Variants in ANO2 observed in about 807,000 individuals in gnomAD.
ANO2 encodes anoctamin-2.
In ANO2, 101 loss-of-function variants were observed where a neutral mutation model predicts 124.2. The observed-to-expected ratio is 0.81, with a 90% CI of 0.69 to 0.96. The LOEUF is 0.96. ANO2 is among the 40% of genes least tolerant of loss of function. The probability of loss-of-function intolerance (pLI) is 0.00; values close to 1 mark genes in which losing one functional copy is unlikely to be tolerated. For missense variants in ANO2, 1,293 were observed against 1,274.5 expected (o/e 1.01, Z -0.22); for synonymous variants, 486 against 482.5 (o/e 1.01, Z -0.09).
intron 2 of ANO2, 37 bp downstream of exon 2, chr12:5,922,583 G>C: frequency 6.6e-7 from 1 of 1,506,838 alleles, no homozygotes; most frequent in Non-Finnish European, 8.8e-7. Context: ...CAACAGGGCT[G>C]GCCTATCCCC....
intron 16 of ANO2, among the ~76,000 whole-genome samples, chr12:5,630,521 T>C (rs1287188893): frequency 6.6e-6 from 1 of 152,194 alleles, no homozygotes; most frequent in Non-Finnish European, 1.5e-5. Flanking sequence ...TTGGCCTTAT[T>C]CATCTCAATA....
At chr12:5,592,041 A>T (rs950230245) in intron 20 of ANO2, among the ~76,000 whole-genome samples, 11 of 152,210 alleles carry the variant, frequency 7.2e-5, no homozygotes, top group Non-Finnish European at 1.0e-4. Flanking sequence ...AGAAACTCTG[A>T]TAATAAACAT....
intron 14 of ANO2, among the ~76,000 whole-genome samples, chr12:5,666,546 C>T (rs1384414886): frequency 1.3e-5 from 2 of 152,114 alleles, no homozygotes; most frequent in Non-Finnish European, 2.9e-5. Flanking sequence ...TGTGACGTTT[C>T]ATGACCCAGA....
intron 14 of ANO2, among the ~76,000 whole-genome samples, chr12:5,712,388 G>A (rs1949850175): frequency 6.6e-6 from 1 of 152,142 alleles, no homozygotes; most frequent in African/African-American, 2.4e-5. Flanking sequence ...CAGTGTCCTT[G>A]TAAGTGACAG....
At position 5,830,504 on chromosome 12, in the gene ANO2, A is replaced by G. The variant is rs913743037; in HGVS notation, c.786-15T>C. 1.9e-6 allele frequency: 3 copies of G among 1,608,446 alleles called. No homozygotes were observed. Among genetic ancestry groups the G allele is most frequent in the Non-Finnish European group, 2.5e-6 (3 of 1,177,364 alleles). On this transcript the variant is annotated splice_polypyrimidine_tract_variant and intron_variant, in intron 5 of 24. Transcript: ENST00000682330. The stretch of plus-strand genomic sequence containing the variant: ...GGATGTTGTACCTGGAGACACCAAG[A>G]GAGCAGATGGCAAATTCATTTCATT...
At chr12:5,570,903 A>AATGAGT (rs1315677225) in intron 23 of ANO2, among the ~76,000 whole-genome samples, 2 of 152,156 alleles carry the variant, frequency 1.3e-5, no homozygotes, top group Non-Finnish European at 2.9e-5. Context: ...ATTAGGAACT[A>AATGAGT]ATGAGTAGCA....
At chr12:5,733,485 A>C (rs1325902113) in intron 13 of ANO2, among the ~76,000 whole-genome samples, 1 of 152,198 alleles carries the variant, frequency 6.6e-6, no homozygotes, top group Non-Finnish European at 1.5e-5. Flanking sequence ...TGAGGACTTC[A>C]TGTTCCTGCA....
chr12:5,852,104 G>C, intron 4 of ANO2: 1 of 652,002 alleles, frequency 1.5e-6, no homozygotes, highest in Non-Finnish European at 2.8e-6. Flanking sequence ...AGAAAGAGGA[G>C]ATAGGGTTGG....
At chr12:5,922,993 T>C (rs1463330511) in intron 1 of ANO2, among the ~76,000 whole-genome samples, 189 bp from the exon 2 acceptor site, 2 of 151,616 alleles carry the variant, frequency 1.3e-5, no homozygotes, top group African/African-American at 4.9e-5. Flanking sequence ...GAAAAGGAAG[T>C]GCGGCCCCCC....
intron 14 of ANO2, among the ~76,000 whole-genome samples, chr12:5,690,979 A>AAC (rs1565572545): frequency 6.6e-6 from 1 of 152,244 alleles, no homozygotes; most frequent in East Asian, 1.9e-4. Context: ...CAAGTCCAAC[A>AAC]GAGCCCCCAT....
At chr12:5,911,948 C>A (rs1941076010) in intron 3 of ANO2, among the ~76,000 whole-genome samples, 1 of 152,230 alleles carries the variant, frequency 6.6e-6, no homozygotes, top group Admixed American at 6.5e-5. Flanking sequence ...AAGCACACAG[C>A]TGGCTAAGGT....
intron 14 of ANO2, among the ~76,000 whole-genome samples, chr12:5,678,279 C>T (rs1003009858): frequency 2.6e-5 from 4 of 152,166 alleles, no homozygotes; most frequent in South Asian, 2.1e-4. Context: ...TATATCTCTA[C>T]CCTCCACCAG....
At chr12:5,944,848 G>A (rs757836499) in intron 1 of ANO2, among the ~76,000 whole-genome samples, 37 of 152,074 alleles carry the variant, frequency 2.4e-4, no homozygotes, top group Non-Finnish European at 3.4e-4. Flanking sequence ...GATGCTGTAG[G>A]CTAAACGTCC....
At chr12:5,795,059 A>G (rs1952807557) in intron 10 of ANO2, among the ~76,000 whole-genome samples, 1 of 152,188 alleles carries the variant, frequency 6.6e-6, no homozygotes, top group Non-Finnish European at 1.5e-5. Flanking sequence ...AGCAGAGCCC[A>G]GAGACAAGGA....
intron 10 of ANO2, among the ~76,000 whole-genome samples, chr12:5,764,350 T>C (rs1196486471): frequency 3.9e-5 from 6 of 152,232 alleles, no homozygotes; most frequent in Non-Finnish European, 8.8e-5. Flanking sequence ...TGCCAAGCTG[T>C]GTTCTAAGGA....
chr12:5,621,412 G>T (rs921832948), intron 16 of ANO2, among the ~76,000 whole-genome samples: 2 of 152,224 alleles, frequency 1.3e-5, no homozygotes, highest in Non-Finnish European at 2.9e-5. Context: ...TTTCTGAGCA[G>T]ATGACAGGTG....
chr12:5,943,377 A>T (rs959788349), intron 1 of ANO2, among the ~76,000 whole-genome samples: 1 of 152,094 alleles, frequency 6.6e-6, no homozygotes, highest in African/African-American at 2.4e-5. Context: ...ATGGAGCTAG[A>T]GGCCATTATT....
At chr12:5,641,789 G>A (rs1267125645) in intron 15 of ANO2, among the ~76,000 whole-genome samples, 4 of 152,120 alleles carry the variant, frequency 2.6e-5, no homozygotes. Flanking sequence ...GGGTGGGGCT[G>A]GGAAAGGGAA....
chr12:5,643,559 A>G (rs10849310), intron 15 of ANO2, among the ~76,000 whole-genome samples: 65,267 of 152,030 alleles, frequency 0.43, 14,615 homozygotes, highest in East Asian at 0.56. Flanking sequence ...TTTCTAAGAC[A>G]GATATCCAGG....
Sources: allele counts gnomAD v4.1 joint callset (sites outside exome capture counted in the v4.1 genomes callset), GRCh38; gene constraint gnomAD v4.1.1; transcripts MANE v1.5; gene names NCBI Gene and HGNC (gene_info 2026-07-23, HGNC 2026-07-21).